Variants in MGA observed in about 807,000 individuals in gnomAD.
MGA encodes MAX gene-associated protein.
In MGA, 40 loss-of-function variants were observed where a neutral mutation model predicts 261.1. The observed-to-expected ratio is 0.15, with a 90% CI of 0.12 to 0.20. The LOEUF (loss-of-function observed/expected upper bound fraction) is 0.20. MGA is among the 10% of genes least tolerant of loss of function. The probability of loss-of-function intolerance (pLI) is 1.00; values close to 1 mark genes in which losing one functional copy is unlikely to be tolerated. For missense variants in MGA, 3,397 were observed against 3,630.5 expected, an observed-to-expected ratio of 0.94 and a Z score of 1.65; for synonymous variants, 1,302 against 1,290.6, an observed-to-expected ratio of 1.01 and a Z score of -0.19.
chr15:41,741,346 C>CA (rs11389766), intron 14 of MGA, among the ~76,000 whole-genome samples: 45,289 of 72,616 alleles, frequency 0.62, 12,681 homozygotes, highest in Middle Eastern at 0.76. Flanking sequence ...ACTCCATCTC[C>CA]AAAAAAAAAA....
rs1359765600 is a variant in MGA, at chr15:41,641,119, T to C, written c.-68+19821T>C. 2.0e-5 allele frequency among the ~76,000 whole-genome samples: 3 copies of C among 152,222 alleles called. 1 individual carries two copies. Among genetic ancestry groups the C allele is most frequent in the South Asian group, 4.1e-4 (2 of 4,836 alleles). On this transcript the variant is annotated intron_variant, in intron 1 of 8. Coordinates refer to the MGA transcript ENST00000566718. ...TGAGGTCCTTTGTGATCAGACTCTT[T>C]AGCATGTTTTCAAAGTTCATCCATG...
Position 41,760,285 on chromosome 15 carries a change from A to T in MGA, c.7192-38A>T, listed in dbSNP as rs138559045. 1.9e-6 allele frequency: 3 copies of T among 1,597,264 alleles called. No individual in the cohort carries two copies. The African/African-American group carries it at 4.0e-5, about 21-fold the overall frequency. On this transcript the variant is annotated intron_variant, in intron 19 of 23. Transcript: ENST00000219905. ...GAAACAGAGTAAGAGGGCCAACTACATGTTCAAGATGTTTAGGAGGCAATC... is the reference window on the plus strand; with the variant it reads ...GAAACAGAGTAAGAGGGCCAACTACTTGTTCAAGATGTTTAGGAGGCAATC...
intron 22 of MGA, among the ~76,000 whole-genome samples, chr15:41,763,911 C>G (rs923444423): frequency 4.6e-5 from 7 of 151,928 alleles, no homozygotes; most frequent in African/African-American, 1.7e-4. Flanking sequence ...TAATCCCACC[C>G]CTTAGGGAGG....
chr15:41,707,591 G>T, intron 5 of MGA, 137 bp from the exon 6 acceptor site: 1 of 769,434 alleles, frequency 1.3e-6, no homozygotes, highest in Non-Finnish European at 2.0e-6. Context: ...TTTTTTCATT[G>T]TTTTTGCTCT....
intron 14 of MGA, among the ~76,000 whole-genome samples, chr15:41,741,771 G>A (rs908286366): frequency 2.6e-5 from 4 of 152,046 alleles, no homozygotes; most frequent in Non-Finnish European, 5.9e-5. Context: ...GAGTGCAGTG[G>A]CACTATCTCA....
intron 2 of MGA, among the ~76,000 whole-genome samples, chr15:41,681,306 T>C (rs1405765577): frequency 1.3e-5 from 2 of 152,174 alleles, no homozygotes; most frequent in Non-Finnish European, 2.9e-5. Flanking sequence ...CAAATAATTA[T>C]CAATTTTACA....
intron 1 of MGA, among the ~76,000 whole-genome samples, chr15:41,624,306 G>C (rs535449062): frequency 4.6e-5 from 7 of 151,932 alleles, no homozygotes; most frequent in African/African-American, 1.4e-4. Context: ...GGAGTACAGT[G>C]GTGCGATCTC....
At chr15:41,730,296 G>A (rs985296779) in intron 11 of MGA, among the ~76,000 whole-genome samples, 9 of 151,992 alleles carry the variant, frequency 5.9e-5, no homozygotes, top group Non-Finnish European at 5.9e-5. Context: ...AAAATTAGCC[G>A]GGTGTGGTGG....
At chr15:41,676,993 C>T (rs952270600) in intron 2 of MGA, among the ~76,000 whole-genome samples, 26 of 152,166 alleles carry the variant, frequency 1.7e-4, no homozygotes, top group African/African-American at 4.8e-4. Context: ...ATATGACTTA[C>T]GGGGATTATG....
In MGA at chr15:41,736,346, G is replaced by A. The variant is rs778247921; in HGVS notation, c.4082G>A (p.Ser1361Asn). The A allele has an allele frequency of 2.5e-6, 4 of 1,613,966 alleles. No homozygotes were observed. In the South Asian group the frequency reaches 4.4e-5, roughly 18 times the overall value. ...AGCATCTTATCCCAGCACATCAATA[G>A]CAACATGCCACAATCACTTAAGGTG... is the stretch of plus-strand genomic sequence containing the variant. The change falls in exon 13 of 24, where the codon AGC becomes AAC. Residue 1361 changes from serine (S) to asparagine (N), a missense_variant. Ser to Asn is a conservative substitution (Grantham distance 46, BLOSUM62 1). Transcript: ENST00000219905.
intron 5 of MGA, among the ~76,000 whole-genome samples, chr15:41,703,370 C>CCCG (rs2059948593): frequency 7.7e-6 from 1 of 129,522 alleles, no homozygotes; most frequent in Non-Finnish European, 1.7e-5. Context: ...GTGAAGTTAC[C>CCCG]CCCCCCCCCA....
chr15:41,754,678 A>T, intron 18 of MGA, 111 bp downstream of exon 18: 2 of 1,273,492 alleles, frequency 1.6e-6, no homozygotes, highest in Non-Finnish European at 1.0e-6. Flanking sequence ...TTCTTCCTCT[A>T]GCTTTTTTTC....
intron 2 of MGA, among the ~76,000 whole-genome samples, chr15:41,686,793 G>T (rs556425973): frequency 1.3e-5 from 2 of 152,168 alleles, no homozygotes; most frequent in African/African-American, 4.8e-5. Context: ...GATTTAGAGG[G>T]GAGGGGTGAT....
intron 1 of MGA, among the ~76,000 whole-genome samples, chr15:41,668,505 T>C (rs894314752): frequency 3.3e-5 from 5 of 152,164 alleles, no homozygotes; most frequent in African/African-American, 1.2e-4. Context: ...AAATTTAACT[T>C]TTTAATTTTG....
Position 41,762,207 on chromosome 15 carries a change from A to G in MGA, c.7589A>G (p.Lys2530Arg), listed in dbSNP as rs376662642. The G allele has an allele frequency of 6.2e-7, 1 of 1,613,966 alleles. No individual in the cohort carries two copies. The highest frequency in any genetic ancestry group is 8.5e-7 in the Non-Finnish European group (1 of 1,179,854). Residue 2530 changes from lysine (K) to arginine (R), a missense_variant, in exon 22 of 24, where the codon AAA (lysine) becomes AGA (arginine). By Grantham distance (26) the Lys-to-Arg change is conservative. Around this residue, in one of 9 missense-constraint regions of MGA, gnomAD observed 647 missense variants for 642.4 expected, o/e 1.01. Coordinates refer to ENST00000219905, the MANE Select transcript of MGA (RefSeq NM_001164273.2). ...CAAGCACTAGAGGCACAAAAAAGAA[A>G]AAAGAAGATGGGATCAGATGAGTTT... is the stretch of plus-strand genomic sequence containing the variant.
Position 41,702,028 on chromosome 15 carries a change from G to A in MGA, c.2188+2869G>A, listed in dbSNP as rs537657261. On this transcript the variant is annotated intron_variant, in intron 5 of 23. Transcript: ENST00000219905. Reference sequence around the variant, plus strand: ...CCCCAACCTTGGCTTCCTTTAAAAAGCCATACTTGGGCCAGGCTCGGTGGC... The same window carrying A: ...CCCCAACCTTGGCTTCCTTTAAAAAACCATACTTGGGCCAGGCTCGGTGGC... 1.3e-4 allele frequency among the ~76,000 whole-genome samples: 20 copies of A among 151,832 alleles called. No homozygotes were observed. In the East Asian group the frequency reaches 3.9e-3, roughly 29 times the overall value.
intron 1 of MGA, chr15:41,621,382 G>A (rs1290564597): frequency 6.6e-6 from 1 of 152,242 alleles, no homozygotes; most frequent in Admixed American, 6.5e-5. Flanking sequence ...AGAAAAGGAT[G>A]GCCCTCTAAC....
Position 41,696,805 on chromosome 15 carries a change from G to C in MGA, c.1795G>C (p.Val599Leu), listed in dbSNP as rs191457035. The change falls in exon 3 of 24, where the codon GTA becomes CTA. Residue 599 changes from valine to leucine, a missense_variant. Physicochemically the swap from Val to Leu is conservative, Grantham distance 32. This residue lies in a region of MGA where 563 missense variants were observed against 563.6 expected (regional missense o/e 1.00). Transcript: ENST00000219905. ...GCTTAAGATTGCAACAGCCGCAAAGGTAGTGAATGCTAATCAGAATGCCTC... is the reference window on the plus strand; with the variant it reads ...GCTTAAGATTGCAACAGCCGCAAAGCTAGTGAATGCTAATCAGAATGCCTC... 1.7e-4 allele frequency: 274 copies of C among 1,603,042 alleles called. No homozygotes were observed. The highest frequency in any genetic ancestry group is 6.2e-4 in the Admixed American group (36 of 57,812).
intron 1 of MGA, among the ~76,000 whole-genome samples, chr15:41,666,445 C>G (rs2057743313): frequency 2.0e-5 from 3 of 152,046 alleles, no homozygotes; most frequent in African/African-American, 7.2e-5. Flanking sequence ...AAGGAAAAAT[C>G]TTTTACAAGG....
Sources: allele counts gnomAD v4.1 joint callset (sites outside exome capture counted in the v4.1 genomes callset), GRCh38; gene constraint gnomAD v4.1.1; regional missense constraint gnomAD v4.1.1; transcripts MANE v1.5; gene names NCBI Gene and HGNC (gene_info 2026-07-23, HGNC 2026-07-21).